The following TENM4 variants were observed in gnomAD, a reference collection of about 807,000 sequenced individuals.
TENM4 encodes teneurin-4.
Under a neutral mutation model 243.3 loss-of-function variants are expected in TENM4, and 82 were observed. The ratio of observed to expected loss-of-function variants is 0.34; its 90% CI spans 0.28 to 0.40. The LOEUF (loss-of-function observed/expected upper bound fraction) is 0.40. Among genes scored for constraint, TENM4 ranks in the 10% least tolerant of loss-of-function variants. The pLI is 1.00. For missense variants in TENM4, 3,138 were observed against 3,673.3 expected (o/e 0.85, Z 3.77); for synonymous variants, 1,412 against 1,456.3 (o/e 0.97, Z 0.69).
chr11:79,241,504 A>G (rs903644825), intron 2 of TENM4, among the ~76,000 whole-genome samples: 2 of 152,178 alleles, frequency 1.3e-5, no homozygotes, highest in Non-Finnish European at 2.9e-5. Context: ...AAATCATAGG[A>G]GCTGCACATG....
intron 1 of TENM4, among the ~76,000 whole-genome samples, chr11:79,419,231 G>A (rs1310912923): frequency 6.6e-6 from 1 of 152,192 alleles, no homozygotes; most frequent in African/African-American, 2.4e-5. Flanking sequence ...GCAAGTCATG[G>A]CAATGTTGAA....
At chr11:79,275,873 C>T (rs780856411) in intron 2 of TENM4, among the ~76,000 whole-genome samples, 15 of 152,142 alleles carry the variant, frequency 9.9e-5, no homozygotes, top group Non-Finnish European at 1.9e-4. Context: ...AGCCTAAGAC[C>T]CTAGCAGAAG....
At chr11:79,086,962 C>A (rs990671361) in intron 4 of TENM4, among the ~76,000 whole-genome samples, 2 of 151,906 alleles carry the variant, frequency 1.3e-5, no homozygotes, top group African/African-American at 4.8e-5. Flanking sequence ...CCATTCTGTA[C>A]CTTTTTTTGA....
intron 20 of TENM4, among the ~76,000 whole-genome samples, chr11:78,737,835 C>T (rs559984986): frequency 2.6e-5 from 4 of 152,272 alleles, no homozygotes; most frequent in East Asian, 1.9e-4. Flanking sequence ...TTGTTAACCA[C>T]GTACTATGCG....
At chr11:79,114,155 A>G (rs759044324) in intron 4 of TENM4, among the ~76,000 whole-genome samples, 2 of 151,510 alleles carry the variant, frequency 1.3e-5, no homozygotes, top group South Asian at 4.2e-4. Context: ...GTTCAGGCCA[A>G]TCTCCCTCAA....
At chr11:79,144,131 AG>A (rs1271672247) in intron 4 of TENM4, among the ~76,000 whole-genome samples, 1 of 152,136 alleles carries the variant, frequency 6.6e-6, no homozygotes, top group Non-Finnish European at 1.5e-5. Context: ...TTGATTAAAA[AG>A]TAAACAAAAG....
At chr11:78,990,120 CACTTTAGAA>C (rs1438804304) in intron 6 of TENM4, among the ~76,000 whole-genome samples, 2 of 151,264 alleles carry the variant, frequency 1.3e-5, no homozygotes, top group African/African-American at 4.9e-5. Context: ...GTCCCAGGGT[CACTTTAGAA>C]CTTATTTTAA....
intron 9 of TENM4, among the ~76,000 whole-genome samples, chr11:78,866,201 A>G (rs1485601535): frequency 1.3e-5 from 2 of 152,176 alleles, no homozygotes; most frequent in Admixed American, 6.5e-5. Context: ...CTTACTTTAT[A>G]TATTAGCAAC....
chr11:78,904,487 C>T (rs957567608), intron 6 of TENM4, among the ~76,000 whole-genome samples: 3 of 151,876 alleles, frequency 2.0e-5, no homozygotes, highest in Non-Finnish European at 4.4e-5. Context: ...ATAGGGTGGC[C>T]ACGTAACGAG....
intron 21 of TENM4, among the ~76,000 whole-genome samples, chr11:78,731,093 T>C (rs1000575778): frequency 2.0e-5 from 3 of 152,228 alleles, no homozygotes; most frequent in African/African-American, 7.2e-5. Flanking sequence ...GCAAGATTTT[T>C]GCCCTAACTG....
intron 4 of TENM4, among the ~76,000 whole-genome samples, chr11:79,098,589 C>T (rs934911990): frequency 3.3e-5 from 5 of 152,152 alleles, no homozygotes; most frequent in African/African-American, 7.2e-5. Context: ...CTCGAGTAAC[C>T]GGGAGCTCAT....
At chr11:79,131,696 A>C (rs1343352472) in intron 4 of TENM4, among the ~76,000 whole-genome samples, 2 of 152,216 alleles carry the variant, frequency 1.3e-5, no homozygotes, top group African/African-American at 4.8e-5. Flanking sequence ...TCACATCTCA[A>C]TACTAACATT....
chr11:79,363,907 A>T lies in TENM4; in HGVS notation c.-320-66364T>A, dbSNP rs189635323. Among the ~76,000 whole-genome samples the T allele has an allele frequency of 1.8e-4, 27 of 152,330 alleles. No individual in the cohort carries two copies. In the East Asian group the frequency reaches 5.0e-3, roughly 28 times the overall value. On this transcript the variant is annotated intron_variant, in intron 1 of 33. Transcript: ENST00000278550. ...CTTCCTTTATTGTTTCAGTGAAATG[A>T]CCGTGACTTTGTTGGCTTGGTTGCA...
At chr11:78,953,321 T>G (rs1388745034) in intron 6 of TENM4, among the ~76,000 whole-genome samples, 1 of 152,170 alleles carries the variant, frequency 6.6e-6, no homozygotes, top group Admixed American at 6.5e-5. Flanking sequence ...GGATTAAAGA[T>G]CATGACTCCC....
chr11:78,812,199 GCCA>G lies in TENM4; in HGVS notation c.1898_1900del (p.Val633del). 1 of 1,551,878 alleles carries G rather than the reference GCCA, an allele frequency of 6.4e-7. No individual in the cohort carries two copies. Among genetic ancestry groups the G allele is most frequent in the South Asian group, 1.2e-5 (1 of 84,066 alleles). On this transcript the variant is annotated inframe_deletion, in exon 14 of 34. Transcript: ENST00000278550. ...GATGCAGGTGCCATGGTTGCTGCAG[GCCA>G]CATCGATACACTGGTTGGTGGGCAC...
At chr11:78,908,422 A>T (rs1311675317) in intron 6 of TENM4, among the ~76,000 whole-genome samples, 6 of 152,260 alleles carry the variant, frequency 3.9e-5, no homozygotes, top group African/African-American at 7.2e-5. Context: ...ATTACAATAA[A>T]GTCATGTTGA....
In TENM4 at chr11:78,786,895, T is replaced by C. The variant is rs1368695890; in HGVS notation, c.2365+3A>G. On this transcript the variant is annotated splice_donor_region_variant and intron_variant, in intron 16 of 33. Coordinates refer to ENST00000278550, the MANE Select transcript of TENM4 (RefSeq NM_001098816.3). Reference sequence around the variant, plus strand: ...GGTACCCGGGGACCTCGGCCCGCCATACCGATGGTGCAGTGTTCGCCATTC... The same window carrying C: ...GGTACCCGGGGACCTCGGCCCGCCACACCGATGGTGCAGTGTTCGCCATTC... The C allele has an allele frequency of 1.2e-6, 2 of 1,606,718 alleles. No individual in the cohort carries two copies. The highest frequency in any genetic ancestry group is 1.7e-6 in the Non-Finnish European group (2 of 1,177,326).
At chr11:79,284,423 T>A (rs1856212573) in intron 2 of TENM4, among the ~76,000 whole-genome samples, 1 of 152,190 alleles carries the variant, frequency 6.6e-6, no homozygotes, top group South Asian at 2.1e-4. Context: ...GTCATTTGAT[T>A]TTTGACAAGA....
At chr11:79,217,636 G>C (rs1438546815) in intron 2 of TENM4, among the ~76,000 whole-genome samples, 1 of 152,210 alleles carries the variant, frequency 6.6e-6, no homozygotes, top group African/African-American at 2.4e-5. Flanking sequence ...ACTCTATTAG[G>C]CAGGAACATT....
Sources: gnomAD v4.1 joint callset for allele counts (sites outside exome capture counted in the v4.1 genomes callset) on GRCh38, gnomAD v4.1.1 for gene constraint, MANE v1.5 for transcripts, NCBI Gene and HGNC (gene_info 2026-07-23, HGNC 2026-07-21) for gene names.